LRRC36: variants seen among roughly 807,000 people sequenced by gnomAD.
LRRC36 encodes leucine rich repeat containing 36.
LRRC36 carries 62 observed loss-of-function variants against 81.1 expected under a neutral mutation model. The ratio of observed to expected loss-of-function variants is 0.76; its 90% CI spans 0.62 to 0.94. LRRC36 has a LOEUF of 0.94. LRRC36 is among the 40% of genes least tolerant of loss of function. The pLI, the probability that LRRC36 is intolerant of heterozygous loss-of-function variation, is 0.00. For missense variants in LRRC36, 761 were observed against 881.7 expected, an observed-to-expected ratio of 0.86 and a Z score of 1.73; for synonymous variants, 334 against 348.6, an observed-to-expected ratio of 0.96 and a Z score of 0.47.
intron 5 of LRRC36, among the ~76,000 whole-genome samples, chr16:67,353,650 G>T (rs1205066171): frequency 1.3e-5 from 2 of 152,118 alleles, no homozygotes; most frequent in Admixed American, 6.5e-5. Context: ...GCCTCCCAAG[G>T]TGCTGGGATT....
chr16:67,350,905 G>T (rs923968132), intron 5 of LRRC36, among the ~76,000 whole-genome samples: 30 of 152,186 alleles, frequency 2.0e-4, no homozygotes, highest in African/African-American at 7.2e-4. Flanking sequence ...GGGCTTGGTG[G>T]CGCATGCCTG....
chr16:67,349,675 G>A (rs1301755458), intron 4 of LRRC36, among the ~76,000 whole-genome samples: 1 of 152,112 alleles, frequency 6.6e-6, no homozygotes, highest in African/African-American at 2.4e-5. Flanking sequence ...ACATTTTACA[G>A]GCTGAACTAT....
At position 67,376,745 on chromosome 16, in the gene LRRC36, T is replaced by A; in HGVS notation, c.1679T>A (p.Leu560His). Residue 560 changes from leucine to histidine, a missense_variant, in exon 11 of 14, where the codon CTT (leucine) becomes CAT (histidine). This residue lies in a region of LRRC36 where 359 missense variants were observed against 388.4 expected (regional missense o/e 0.92). Transcript: ENST00000329956. ...TTGGCAGGTCCTGCCCGAGATTTGCTTCTGTCTTTGGTAGTCCCGGCTCCT... is the reference window on the plus strand; with the variant it reads ...TTGGCAGGTCCTGCCCGAGATTTGCATCTGTCTTTGGTAGTCCCGGCTCCT... ...KKFLGPARDL[L>H]LSLVVPAPSQ... 3 of 1,612,382 alleles carry A rather than the reference T, an allele frequency of 1.9e-6. No individual in the cohort carries two copies. In the African/African-American group the frequency reaches 4.0e-5, roughly 21 times the overall value.
In LRRC36 at chr16:67,375,316, A is replaced by AC. The variant is rs763288242; in HGVS notation, c.1570dup (p.His524ProfsTer15). On this transcript the variant is annotated frameshift_variant, in exon 10 of 14. Coordinates refer to ENST00000329956, the MANE Select transcript of LRRC36 (RefSeq NM_018296.6). LOFTEE classifies it high-confidence loss of function. ...CCACAGTCCCCCCATCTCTGCCAGA[A>AC]CCCCCCATGTGGCCACTGTCCTCAG... 2.4e-5 allele frequency: 38 copies of AC among 1,609,952 alleles called. No homozygotes were observed. The Admixed American group carries it at 2.5e-4, about 11-fold the overall frequency.
rs77859169 is a variant in LRRC36 at position 67,357,950 on chromosome 16, C to T, written c.578-5640C>T. On this transcript the variant is annotated intron_variant, in intron 5 of 13. Coordinates refer to ENST00000329956, the MANE Select transcript of LRRC36 (RefSeq NM_018296.6). ...ACAATTTTCAAACAAATTGTCCTGT[C>T]GCATTGATTATATGGATGTTCAAAC... 6.3e-3 allele frequency among the ~76,000 whole-genome samples: 963 copies of T among 152,214 alleles called. 8 individuals carry two copies. Among genetic ancestry groups the T allele is most frequent in the African/African-American group, 0.022 (900 of 41,532 alleles).
Position 67,378,819 on chromosome 16 carries a change from G to T in LRRC36, c.1930+107G>T, listed in dbSNP as rs183864843. The T allele has an allele frequency of 6.4e-6, 8 of 1,251,780 alleles. No homozygotes were observed. The East Asian group carries it at 2.0e-4, about 32-fold the overall frequency. The allele number at this position is 1,251,780 out of a possible 1,614,324, so 77.5% of individuals were successfully genotyped here. A position where few individuals can be genotyped will look rare whatever the true frequency, so the allele number is the denominator to read the frequency against. ...ATGCTAGCTCACGTGGCTGCCTTTG[G>T]CCTACTTGGTCATCAGTTTTCCTGG... On this transcript the variant is annotated intron_variant, in intron 12 of 13. Coordinates refer to ENST00000329956, the MANE Select transcript of LRRC36 (RefSeq NM_018296.6).
At chr16:67,335,002 A>G (rs1236832239) in intron 1 of LRRC36, among the ~76,000 whole-genome samples, 3 of 152,172 alleles carry the variant, frequency 2.0e-5, no homozygotes, top group Non-Finnish European at 4.4e-5. Flanking sequence ...CACAAGGTAA[A>G]TGGAGGCAGG....
At position 67,326,942 on chromosome 16, in the gene LRRC36, G is replaced by A. The variant is rs1196636154; in HGVS notation, c.70+10G>A. Reference sequence around the variant, plus strand: ...ACGCTGGAGCAGCCGGGTAGGGTCTGGCCGGGAGGGTGTGGACTGGGAACG... The same window carrying A: ...ACGCTGGAGCAGCCGGGTAGGGTCTAGCCGGGAGGGTGTGGACTGGGAACG... On this transcript the variant is annotated intron_variant, in intron 1 of 13. Transcript: ENST00000329956. The A allele has an allele frequency of 6.7e-6, 10 of 1,500,984 alleles. No homozygotes were observed. Among genetic ancestry groups the A allele is most frequent in the African/African-American group, 1.5e-5 (1 of 68,350 alleles). 93.0% of individuals were successfully genotyped at this position (1,500,984 alleles called of 1,614,324 possible). A position where few individuals can be genotyped will look rare whatever the true frequency, so the allele number is the denominator to read the frequency against.
At chr16:67,337,446 C>G (rs2037817934) in intron 1 of LRRC36, among the ~76,000 whole-genome samples, 2 of 151,576 alleles carry the variant, frequency 1.3e-5, no homozygotes, top group African/African-American at 4.8e-5. Context: ...CAGCCCCCAC[C>G]TCCTGGATTC....
At chr16:67,375,739 G>A (rs983055430) in intron 10 of LRRC36, among the ~76,000 whole-genome samples, 3 of 151,942 alleles carry the variant, frequency 2.0e-5, no homozygotes, top group Middle Eastern at 3.2e-3. Flanking sequence ...GTGATCCTTG[G>A]GAAAGTGCCA....
rs763325451 is a variant in LRRC36 at position 67,350,318 on chromosome 16, T to C, written c.577+28T>C. 19 of 1,541,112 alleles carry C rather than the reference T, an allele frequency of 1.2e-5. No homozygotes were observed. The East Asian group carries it at 3.8e-4, about 31-fold the overall frequency. ...AAGTTTTCTCCCTGTGATTATAAAATGATTAAAACATCAGTTATCTCAGCT... is the reference window on the plus strand; with the variant it reads ...AAGTTTTCTCCCTGTGATTATAAAACGATTAAAACATCAGTTATCTCAGCT... On this transcript the variant is annotated intron_variant, in intron 5 of 13. Transcript: ENST00000329956.
At chr16:67,355,283 A>C (rs1597461797) in intron 5 of LRRC36, among the ~76,000 whole-genome samples, 1 of 151,722 alleles carries the variant, frequency 6.6e-6, no homozygotes, top group East Asian at 1.9e-4. Context: ...ACCAAAGAAC[A>C]TGATTGCTGG....
At chr16:67,360,185 G>T (rs933747253) in intron 5 of LRRC36, among the ~76,000 whole-genome samples, 1 of 152,030 alleles carries the variant, frequency 6.6e-6, no homozygotes, top group African/African-American at 2.4e-5. Context: ...GTACTCATTG[G>T]GGGCTGTTCA....
At chr16:67,330,622 G>A (rs563953669) in intron 1 of LRRC36, among the ~76,000 whole-genome samples, 1 of 152,214 alleles carries the variant, frequency 6.6e-6, no homozygotes, top group South Asian at 2.1e-4. Flanking sequence ...AGCATTTTGG[G>A]AGGCCAAGGA....
At chr16:67,343,505 G>A (rs937289262) in intron 2 of LRRC36, among the ~76,000 whole-genome samples, 1 of 151,922 alleles carries the variant, frequency 6.6e-6, no homozygotes, top group African/African-American at 2.4e-5. Flanking sequence ...GACCAGCTTG[G>A]CCAACATGGT....
intron 5 of LRRC36, among the ~76,000 whole-genome samples, chr16:67,351,009 G>T (rs1597454912): frequency 6.6e-6 from 1 of 152,266 alleles, no homozygotes; most frequent in African/African-American, 2.4e-5. Flanking sequence ...TTGCACTCCA[G>T]CCTAGGCAAC....
At chr16:67,333,634 T>C (rs772901394) in intron 1 of LRRC36, among the ~76,000 whole-genome samples, 6 of 152,204 alleles carry the variant, frequency 3.9e-5, no homozygotes, top group Non-Finnish European at 7.3e-5. Flanking sequence ...TTTCATATCA[T>C]TGGAATCATA....
At chr16:67,366,135 T>A (rs1025759404) in intron 7 of LRRC36, among the ~76,000 whole-genome samples, 3 of 150,784 alleles carry the variant, frequency 2.0e-5, no homozygotes, top group Admixed American at 6.6e-5. Context: ...CTCTTCCCAC[T>A]TCCTTCTCTC....
In LRRC36 at chr16:67,384,986, C is replaced by A; in HGVS notation, c.2162C>A (p.Pro721His). Reference protein sequence around the residue: ...EKGHHLGRSSPFGKSTLSSSS... With the variant: ...EKGHHLGRSSHFGKSTLSSSS... ...GGTCATCATCTGGGGAGATCATCGC[C>A]CTTTGGGAAAAGCACGTTGTCTTCC... Residue 721 changes from proline (P) to histidine (H), a missense_variant, in exon 14 of 14, where the codon CCC (proline) becomes CAC (histidine). By Grantham distance (77) the Pro-to-His change is moderately conservative. This residue lies in a region of LRRC36 where 359 missense variants were observed against 388.4 expected (regional missense o/e 0.92). Transcript: ENST00000329956. 6.2e-7 allele frequency: 1 copy of A among 1,614,180 alleles called. No homozygotes were observed. Among genetic ancestry groups the A allele is most frequent in the Non-Finnish European group, 8.5e-7 (1 of 1,180,022 alleles).
Sources: gnomAD v4.1 joint callset for allele counts (sites outside exome capture counted in the v4.1 genomes callset) on GRCh38, gnomAD v4.1.1 for gene constraint, gnomAD v4.1.1 regional missense constraint, MANE v1.5 for transcripts, NCBI Gene and HGNC (gene_info 2026-07-23, HGNC 2026-07-21) for gene names.